The following ASCC3 variants were observed in gnomAD, a reference collection of about 807,000 sequenced individuals.
ASCC3 encodes ASC-1 complex subunit P200.
Under a neutral mutation model 256.3 loss-of-function variants are expected in ASCC3, and 158 were observed. The ratio of observed to expected loss-of-function variants is 0.62; its 90% CI spans 0.54 to 0.70. ASCC3 has a LOEUF of 0.70. Ranked by LOEUF, ASCC3 falls within the 30% of genes least tolerant of loss-of-function variation. ASCC3 has a pLI of 0.00. For synonymous variants in ASCC3, 948 were observed against 883.4 expected (o/e 1.07, Z -1.30); for missense variants, 2,259 against 2,626.0 (o/e 0.86, Z 3.05).
chr6:100,807,742 T>A (rs557402977), intron 4 of ASCC3, among the ~76,000 whole-genome samples: 1 of 152,054 alleles, frequency 6.6e-6, no homozygotes, highest in Admixed American at 6.6e-5. Flanking sequence ...AATTATCAGT[T>A]TTGTAAATTT....
At chr6:100,627,035 A>ACC (rs1158394655) in intron 29 of ASCC3, among the ~76,000 whole-genome samples, 7 of 152,158 alleles carry the variant, frequency 4.6e-5, no homozygotes, top group Admixed American at 1.3e-4. Flanking sequence ...CCACACAATC[A>ACC]ACAGCAGCTC....
chr6:100,582,703 G>A (rs1221978607), intron 36 of ASCC3, among the ~76,000 whole-genome samples: 1 of 151,694 alleles, frequency 6.6e-6, no homozygotes, highest in African/African-American at 2.4e-5. Flanking sequence ...TGCCCATTCA[G>A]TATGATATTG....
chr6:100,608,108 GT>G (rs1773035930), intron 30 of ASCC3, among the ~76,000 whole-genome samples: 2 of 115,760 alleles, frequency 1.7e-5, no homozygotes, highest in East Asian at 2.5e-4. Flanking sequence ...ACATATATAT[GT>G]ATATATATCT....
At chr6:100,601,302 A>G (rs982487217) in intron 34 of ASCC3, among the ~76,000 whole-genome samples, 1 of 152,092 alleles carries the variant, frequency 6.6e-6, no homozygotes, top group Non-Finnish European at 1.5e-5. Context: ...TCATTTTTAC[A>G]TCTCAGTGTT....
At position 100,567,570 on chromosome 6, in the gene ASCC3, C is replaced by T. The variant is rs553846991; in HGVS notation, c.5550+22064G>A. Among the ~76,000 whole-genome samples the T allele has an allele frequency of 1.5e-4, 23 of 152,290 alleles. 1 individual carries two copies. In the East Asian group the frequency reaches 4.2e-3, roughly 28 times the overall value. ...GTTTTTCAACCCTTGTCCCTCATCC[C>T]CTCTAGCAGTCTCCAGTGTCTACAG... On this transcript the variant is annotated intron_variant, in intron 36 of 41. Coordinates refer to ENST00000369162, the MANE Select transcript of ASCC3 (RefSeq NM_006828.4).
intron 13 of ASCC3, among the ~76,000 whole-genome samples, chr6:100,706,403 A>C (rs1778583378): frequency 1.3e-5 from 2 of 151,164 alleles, no homozygotes. Context: ...TAATACAAGC[A>C]GAAGACAGAA....
chr6:100,690,806 T>C (rs188120231), intron 13 of ASCC3, among the ~76,000 whole-genome samples: 2 of 152,116 alleles, frequency 1.3e-5, no homozygotes, highest in Admixed American at 6.6e-5. Context: ...ATGTAATAGA[T>C]CCACACTTGG....
chr6:100,732,813 C>T (rs1779968846), intron 10 of ASCC3, among the ~76,000 whole-genome samples: 1 of 152,162 alleles, frequency 6.6e-6, no homozygotes, highest in African/African-American at 2.4e-5. Flanking sequence ...ACTGCCACTG[C>T]CACAACCTAT....
Position 100,718,219 on chromosome 6 carries a change from G to A in ASCC3, c.1935C>T (p.Leu645=), listed in dbSNP as rs41288423. 0.48 allele frequency: 779,764 copies of A among 1,608,528 alleles called. 191,904 individuals are homozygous for A. Among genetic ancestry groups the A allele is most frequent in the South Asian group, 0.6 (54,706 of 90,918 alleles). Residue 645 remains leucine (L), a synonymous_variant, in exon 12 of 42, where the codon CTC becomes CTT. Transcript: ENST00000369162. ...AGTTAGGTAAAGTTGCAGACAGTCC[G>A]AGAATCCTTATCATACTCTGTGTGG... ...VESTQSMIRI[L]GLSATLPNYL...
chr6:100,864,161 C>T lies in ASCC3; in HGVS notation c.144G>A (p.Lys48=). 6.2e-7 allele frequency: 1 copy of T among 1,608,262 alleles called. No homozygotes were observed. The highest frequency in any genetic ancestry group is 8.5e-7 in the Non-Finnish European group (1 of 1,176,542). The change falls in exon 3 of 42, where the codon AAG becomes AAA. Residue 48 remains lysine, a synonymous_variant. Coordinates refer to ENST00000369162, the MANE Select transcript of ASCC3 (RefSeq NM_006828.4). ...EQVLDLGLTW[K]KIIKFLNEKL... ...TTTCATTCAAAAATTTTATTATCTTCTTCCATGTCAGGCCCAAATCTAAAA... is the reference window on the plus strand; with the variant it reads ...TTTCATTCAAAAATTTTATTATCTTTTTCCATGTCAGGCCCAAATCTAAAA...
chr6:100,516,991 T>C (rs932547052), intron 38 of ASCC3, among the ~76,000 whole-genome samples: 6 of 151,984 alleles, frequency 3.9e-5, no homozygotes, highest in Non-Finnish European at 8.8e-5. Context: ...CCATAACTTT[T>C]ATACCATACT....
intron 1 of ASCC3, among the ~76,000 whole-genome samples, chr6:100,880,035 G>A (rs1365625275): frequency 1.3e-5 from 2 of 152,164 alleles, no homozygotes; most frequent in Non-Finnish European, 2.9e-5. Flanking sequence ...CCCAGCGTTT[G>A]ACACATAGGA....
chr6:100,875,577 T>C (rs757794175), intron 1 of ASCC3, among the ~76,000 whole-genome samples: 1 of 152,154 alleles, frequency 6.6e-6, no homozygotes. Context: ...GTACTCCATT[T>C]CAAAAGCTGC....
intron 30 of ASCC3, among the ~76,000 whole-genome samples, chr6:100,608,119 T>TATATATACATATATATGTATATATAG (rs1562161181): frequency 2.1e-4 from 22 of 105,832 alleles, no homozygotes; most frequent in African/African-American, 9.3e-4. Flanking sequence ...TATATATATC[T>TATATATACATATATATGTATATATAG]ATATATACAT....
chr6:100,628,939 C>T, intron 27 of ASCC3, 76 bp downstream of exon 27: 2 of 1,288,972 alleles, frequency 1.6e-6, no homozygotes, highest in Non-Finnish European at 2.2e-6. Flanking sequence ...ATATTACATG[C>T]AAATTAAAAA....
chr6:100,649,510 A>G (rs1325141306), intron 20 of ASCC3, among the ~76,000 whole-genome samples: 1 of 151,654 alleles, frequency 6.6e-6, no homozygotes, highest in African/African-American at 2.4e-5. Flanking sequence ...TATGAATTAT[A>G]TAACCTGGTA....
intron 1 of ASCC3, among the ~76,000 whole-genome samples, chr6:100,873,440 T>C (rs1178181292): frequency 6.6e-6 from 1 of 152,096 alleles, no homozygotes; most frequent in Non-Finnish European, 1.5e-5. Context: ...TCTAAACGTT[T>C]GGAAAACATA....
chr6:100,851,728 AAC>A (rs1441240889), intron 3 of ASCC3, among the ~76,000 whole-genome samples: 4 of 152,192 alleles, frequency 2.6e-5, no homozygotes, highest in African/African-American at 9.7e-5. Flanking sequence ...CATACCACAG[AAC>A]AGTTTTTCAA....
At chr6:100,726,303 CTTG>C (rs1208078910) in intron 10 of ASCC3, among the ~76,000 whole-genome samples, 1 of 151,862 alleles carries the variant, frequency 6.6e-6, no homozygotes. Flanking sequence ...ATAAAACTAG[CTTG>C]TTATTAGTAA....
Sources: allele counts gnomAD v4.1 joint callset (sites outside exome capture counted in the v4.1 genomes callset), GRCh38; gene constraint gnomAD v4.1.1; transcripts MANE v1.5; gene names NCBI Gene and HGNC (gene_info 2026-07-23, HGNC 2026-07-21).